GBA1: variants seen among roughly 807,000 people sequenced by gnomAD.
GBA1 encodes glucosylceramidase beta 1, also known as lysosomal acid glucosylceramidase.
chr1:155,239,793 A>T, the GBA1 span: 6 of 1,614,144 alleles, frequency 3.7e-6, no homozygotes, highest in African/African-American at 2.7e-5. Flanking sequence ...TAAGGGTATC[A>T]GTACCCAGCG....
At chr1:155,236,302 C>G in the GBA1 span, 41 of 1,614,098 alleles carry the variant, frequency 2.5e-5, no homozygotes, top group Non-Finnish European at 3.4e-5. Flanking sequence ...GCCGCACACT[C>G]TGCTCCCAGA....
chr1:155,241,454 A>T, the GBA1 span, among the ~76,000 whole-genome samples: 1 of 152,174 alleles, frequency 6.6e-6, no homozygotes, highest in East Asian at 1.9e-4. Flanking sequence ...AATGGGGTAG[A>T]GGCTCCTAAA....
chr1:155,243,206 T>G, the GBA1 span, among the ~76,000 whole-genome samples: 1 of 152,222 alleles, frequency 6.6e-6, no homozygotes, highest in African/African-American at 2.4e-5. Context: ...AGTTGTAGAA[T>G]TGAACTAGTT....
At chr1:155,238,105 C>T in the GBA1 span, 1 of 1,612,578 alleles carries the variant, frequency 6.2e-7, no homozygotes, top group Admixed American at 1.7e-5. Flanking sequence ...GAGGCCAGTC[C>T]TGATCCCACA....
the GBA1 span, chr1:155,240,641 G>C: frequency 5.0e-6 from 8 of 1,613,370 alleles, no homozygotes; most frequent in Non-Finnish European, 6.8e-6. Context: ...TGATGCCCAC[G>C]ACACTGCCTG....
chr1:155,235,714 TTG>T, the GBA1 span: 1 of 1,612,456 alleles, frequency 6.2e-7, no homozygotes, highest in Admixed American at 1.7e-5. Context: ...CATGGGCTGT[TTG>T]TAAAACGTGT....
chr1:155,236,020 G>C, the GBA1 span, among the ~76,000 whole-genome samples: 1 of 152,150 alleles, frequency 6.6e-6, no homozygotes, highest in African/African-American at 2.4e-5. Context: ...AAGGGGAGCT[G>C]AGAAGTCTGA....
chr1:155,236,575 G>T, the GBA1 span: 2 of 916,428 alleles, frequency 2.2e-6, no homozygotes, highest in East Asian at 2.6e-5. Flanking sequence ...AATGCAACTA[G>T]AGAGGTTTGG....
the GBA1 span, among the ~76,000 whole-genome samples, chr1:155,242,645 G>C: frequency 2.0e-5 from 3 of 149,694 alleles, no homozygotes; most frequent in Admixed American, 6.7e-5. Flanking sequence ...TTTTGAGACA[G>C]AGTCTTGCCC....
At chr1:155,239,993 G>T in the GBA1 span, 1 of 1,614,114 alleles carries the variant, frequency 6.2e-7, no homozygotes, top group Non-Finnish European at 8.5e-7. Flanking sequence ...AAAGGTCGGG[G>T]GGTCAAAGGA....
the GBA1 span, chr1:155,235,762 A>G: frequency 1.2e-6 from 2 of 1,614,214 alleles, no homozygotes; most frequent in Non-Finnish European, 1.7e-6. Flanking sequence ...ACTGTCGACA[A>G]AGTTACGCAC....
chr1:155,237,349 C>T, the GBA1 span: 2 of 1,613,940 alleles, frequency 1.2e-6, no homozygotes, highest in Non-Finnish European at 1.7e-6. Context: ...ACCACCTTTG[C>T]CCAGTGGGGC....
chr1:155,241,229 G>T, the GBA1 span: 2 of 942,864 alleles, frequency 2.1e-6, no homozygotes, highest in Non-Finnish European at 3.4e-6. Context: ...TAGGCACTAG[G>T]TTAGCCCTGC....
At chr1:155,239,899 A>G in the GBA1 span, 1 of 1,613,978 alleles carries the variant, frequency 6.2e-7, no homozygotes, top group African/African-American at 1.3e-5. Flanking sequence ...TGCCCGTGTG[A>G]TTAGCCTGGA....
the GBA1 span, chr1:155,237,801 C>T: frequency 1.1e-6 from 1 of 942,454 alleles, no homozygotes; most frequent in Non-Finnish European, 1.6e-6. Flanking sequence ...ACTTGGAAGG[C>T]TGAGGCAGGA....
the GBA1 span, chr1:155,236,135 G>A: frequency 1.0e-6 from 1 of 990,252 alleles, no homozygotes; most frequent in African/African-American, 1.6e-5. Flanking sequence ...TTGCTCAAAA[G>A]GGCAGGCTAG....
the GBA1 span, among the ~76,000 whole-genome samples, chr1:155,239,288 G>A: frequency 0.022 from 3,376 of 151,932 alleles, 118 homozygotes; most frequent in African/African-American, 0.077. Context: ...CCAGCACTTC[G>A]GGAGGCCAAG....
chr1:155,238,076 G>A, the GBA1 span: 1 of 1,566,754 alleles, frequency 6.4e-7, no homozygotes, highest in Non-Finnish European at 8.8e-7. Flanking sequence ...TTGGGACACA[G>A]ATCAGCATGG....
At chr1:155,237,876 T>A in the GBA1 span, 1 of 639,084 alleles carries the variant, frequency 1.6e-6, no homozygotes, top group East Asian at 2.7e-5. Context: ...CACTCCAGCC[T>A]GGGTGACAGA....
Sources: allele counts gnomAD v4.1 joint callset (sites outside exome capture counted in the v4.1 genomes callset), GRCh38; gene constraint gnomAD v4.1.1; transcripts MANE v1.5; gene names NCBI Gene and HGNC (gene_info 2026-07-23, HGNC 2026-07-21).